Variants in BICRAL observed in about 807,000 individuals in gnomAD.
The protein encoded by BICRAL is BICRA like chromatin remodeling complex associated protein, also known as BRD4-interacting chromatin-remodeling complex-associated protein-like.
In BICRAL, 8 loss-of-function variants were observed where a neutral mutation model predicts 91.8. The observed-to-expected ratio is 0.09, with a 90% CI of 0.05 to 0.16. BICRAL has a LOEUF of 0.16. Among genes scored for constraint, BICRAL ranks in the 10% least tolerant of loss-of-function variants. The pLI is 1.00. For missense variants in BICRAL, 1,038 were observed against 1,310.9 expected, an observed-to-expected ratio of 0.79 and a Z score of 3.21; for synonymous variants, 445 against 491.1, an observed-to-expected ratio of 0.91 and a Z score of 1.24.
Position 42,829,259 on chromosome 6 carries a change from T to G in BICRAL, c.926T>G (p.Val309Gly). Reference sequence around the variant, plus strand: ...GGTCTTGCACCAAATTCAAATAAAGTCCCAATTAATATACAGCCAAAGCCT... The same window carrying G: ...GGTCTTGCACCAAATTCAAATAAAGGCCCAATTAATATACAGCCAAAGCCT... The part of the protein sequence containing the change: ...QRGLAPNSNK[V>G]PINIQPKPIQ... Residue 309 changes from valine to glycine, a missense_variant, in exon 6 of 13, where the codon GTC becomes GGC. By Grantham distance (109) the Val-to-Gly change is moderately radical. Around this residue, in one of 5 missense-constraint regions of BICRAL, gnomAD observed 532 missense variants for 724.9 expected, o/e 0.73. Transcript: ENST00000314073. The G allele has an allele frequency of 6.2e-7, 1 of 1,614,018 alleles. No homozygotes were observed. Among genetic ancestry groups the G allele is most frequent in the Non-Finnish European group, 8.5e-7 (1 of 1,179,924 alleles).
chr6:42,790,680 C>T (rs1046778197), intron 1 of BICRAL, among the ~76,000 whole-genome samples: 2 of 151,874 alleles, frequency 1.3e-5, no homozygotes, highest in Non-Finnish European at 2.9e-5. Context: ...TTCAAAATAG[C>T]TGTCTACATT....
At chr6:42,756,275 C>T (rs1210549938) in intron 1 of BICRAL, among the ~76,000 whole-genome samples, 2 of 152,174 alleles carry the variant, frequency 1.3e-5, no homozygotes, top group Non-Finnish European at 1.5e-5. Flanking sequence ...CTCTTTGTAG[C>T]CCTAAGTATT....
chr6:42,814,519 A>ATATATATATATATAT (rs1237976324), intron 2 of BICRAL, among the ~76,000 whole-genome samples: 4 of 80,212 alleles, frequency 5.0e-5, no homozygotes, highest in African/African-American at 2.6e-4. Context: ...ATATATATAT[A>ATATATATATATATAT]TTTTTTTTTT....
chr6:42,755,959 C>A (rs1762452861), intron 1 of BICRAL, among the ~76,000 whole-genome samples: 1 of 152,050 alleles, frequency 6.6e-6, no homozygotes, highest in African/African-American at 2.4e-5. Flanking sequence ...CAGGCGTGAG[C>A]CACCGCGCCC....
intron 1 of BICRAL, among the ~76,000 whole-genome samples, chr6:42,758,101 C>G (rs530158481): frequency 8.8e-4 from 134 of 152,260 alleles, no homozygotes; most frequent in Non-Finnish European, 1.1e-3. Context: ...TTAATGCTCT[C>G]TGATCTCTCT....
At chr6:42,783,440 G>C (rs968534619) in intron 1 of BICRAL, among the ~76,000 whole-genome samples, 2 of 152,316 alleles carry the variant, frequency 1.3e-5, no homozygotes, top group African/African-American at 4.8e-5. Flanking sequence ...GGGGGGGTGC[G>C]GTTGGAAGGC....
In BICRAL at chr6:42,865,371, C is replaced by A; in HGVS notation, c.3165C>A (p.Ile1055=). Residue 1055 remains isoleucine, a synonymous_variant, in exon 13 of 13, where the codon ATC becomes ATA. Transcript: ENST00000314073. ...ASQENCLEKF[I]PDHSEGVVET... is the part of the protein sequence containing the mutation. ...AGGAAAACTGCCTGGAAAAGTTCAT[C>A]CCGGACCACAGTGAAGGTGTTGTAG... 6.2e-7 allele frequency: 1 copy of A among 1,613,350 alleles called. No individual in the cohort carries two copies. The highest frequency in any genetic ancestry group is 8.5e-7 in the Non-Finnish European group (1 of 1,179,322).
intron 1 of BICRAL, among the ~76,000 whole-genome samples, chr6:42,756,658 GTC>G (rs1054094318): frequency 1.3e-5 from 2 of 151,422 alleles, no homozygotes; most frequent in African/African-American, 4.9e-5. Context: ...CTATACGTAA[GTC>G]TGAGTTACTG....
In BICRAL at chr6:42,814,519, A is replaced by ATATATATATT. The variant is rs1237976324; in HGVS notation, c.-6+4119_-6+4120insATATATATTT. Among the ~76,000 whole-genome samples, 149 of 80,208 alleles carry ATATATATATT rather than the reference A, an allele frequency of 1.9e-3. 1 individual carries two copies. The highest frequency in any genetic ancestry group is 2.6e-3 in the Non-Finnish European group (122 of 47,462). 52.6% of individuals were successfully genotyped at this position (80,208 alleles called of 152,430 possible). ...TGTGTGTATATATATATATATATAT[A>ATATATATATT]TTTTTTTTTTTTTTTTTTTTTAGAT... On this transcript the variant is annotated intron_variant, in intron 2 of 12. Transcript: ENST00000314073.
At chr6:42,812,418 C>G (rs986145379) in intron 2 of BICRAL, among the ~76,000 whole-genome samples, 3 of 151,962 alleles carry the variant, frequency 2.0e-5, no homozygotes, top group African/African-American at 7.3e-5. Flanking sequence ...CACAGTGAGA[C>G]CCTGCCTCTT....
chr6:42,797,044 CAA>C (rs1192829085), intron 1 of BICRAL, among the ~76,000 whole-genome samples: 15 of 44,266 alleles, frequency 3.4e-4, no homozygotes, highest in Non-Finnish European at 4.9e-4. Flanking sequence ...AACTCTGTCT[CAA>C]AAAAAAAAAA....
rs77986195 is a variant in BICRAL, at chr6:42,804,391, T to C, written c.-101-5915T>C. Among the ~76,000 whole-genome samples the C allele has an allele frequency of 7.4e-3, 1,127 of 152,290 alleles. 10 individuals carry two copies. Among genetic ancestry groups the C allele is most frequent in the African/African-American group, 0.024 (999 of 41,544 alleles). On this transcript the variant is annotated intron_variant, in intron 1 of 12. Coordinates refer to ENST00000314073, the MANE Select transcript of BICRAL (RefSeq NM_001393499.1). ...TGTGTATGAAAGGTTGTTATGGGGA[T>C]GCATGGCTGTATTGTCATACATGGT...
At chr6:42,861,654 A>T (rs1342431505) in intron 11 of BICRAL, among the ~76,000 whole-genome samples, 2 of 152,302 alleles carry the variant, frequency 1.3e-5, no homozygotes, top group East Asian at 1.9e-4. Flanking sequence ...CATAGAGTAA[A>T]TGTGTATCCG....
intron 1 of BICRAL, among the ~76,000 whole-genome samples, chr6:42,789,032 A>G (rs1330943403): frequency 6.6e-6 from 1 of 152,158 alleles, no homozygotes; most frequent in Non-Finnish European, 1.5e-5. Context: ...AGTAGTTGCA[A>G]GGGGGTGATT....
At position 42,862,496 on chromosome 6, in the gene BICRAL, T is replaced by C. The variant is rs1765583178; in HGVS notation, c.2350-14T>C. On this transcript the variant is annotated splice_polypyrimidine_tract_variant and intron_variant, in intron 11 of 12. Coordinates refer to ENST00000314073, the MANE Select transcript of BICRAL (RefSeq NM_001393499.1). ...AAAATTGTCTATGAAATGACTGGCC[T>C]CTCTCTTTTTCAGCGAATCAATCCC... 1.3e-5 allele frequency: 20 copies of C among 1,529,666 alleles called. No homozygotes were observed. The highest frequency in any genetic ancestry group is 1.6e-5 in the Non-Finnish European group (18 of 1,106,164). The allele number at this position is 1,529,666 out of a possible 1,614,324, so 94.8% of individuals were successfully genotyped here. A position where few individuals can be genotyped will look rare whatever the true frequency, so the allele number is the denominator to read the frequency against.
chr6:42,857,146 C>T lies in BICRAL; in HGVS notation c.2164C>T (p.His722Tyr). The change falls in exon 10 of 13, where the codon CAC (histidine) becomes TAC (tyrosine). Residue 722 changes from histidine (H) to tyrosine (Y), a missense_variant. Transcript: ENST00000314073. ...CCACACTGTGACACCAGACAAAAGT[C>T]ACTTCCGATCACTAAGTGATGCGGT... ...QAHTVTPDKSHFRSLSDAVQR... is the reference protein window; with the variant it reads ...QAHTVTPDKSYFRSLSDAVQR... 6.2e-7 allele frequency: 1 copy of T among 1,613,434 alleles called. No individual in the cohort carries two copies.
intron 6 of BICRAL, among the ~76,000 whole-genome samples, chr6:42,841,160 T>G: frequency 7.0e-6 from 1 of 143,518 alleles, no homozygotes; most frequent in Admixed American, 7.2e-5. Context: ...GATGTGAGAG[T>G]GCCTGAATGA....
chr6:42,810,832 A>G (rs184618034), intron 2 of BICRAL, among the ~76,000 whole-genome samples: 1 of 152,358 alleles, frequency 6.6e-6, no homozygotes, highest in East Asian at 1.9e-4. Flanking sequence ...TATTAGAGAC[A>G]GGAATTAAAG....
chr6:42,830,376 G>A (rs533877220), intron 6 of BICRAL, among the ~76,000 whole-genome samples: 2 of 152,126 alleles, frequency 1.3e-5, no homozygotes, highest in East Asian at 3.9e-4. Context: ...GGCCAGCCTG[G>A]GCAACATAGT....
Sources: gnomAD v4.1 joint callset for allele counts (sites outside exome capture counted in the v4.1 genomes callset) on GRCh38, gnomAD v4.1.1 for gene constraint, gnomAD v4.1.1 regional missense constraint, MANE v1.5 for transcripts, NCBI Gene and HGNC (gene_info 2026-07-23, HGNC 2026-07-21) for gene names.